ARHGAP11B: variants seen among roughly 807,000 people sequenced by gnomAD.
ARHGAP11B encodes the protein inactive Rho GTPase-activating protein 11B.
In ARHGAP11B, 14 loss-of-function variants were observed where a neutral mutation model predicts 27.6. That is an observed-to-expected ratio of 0.51 (90% CI 0.34 to 0.79). The LOEUF (loss-of-function observed/expected upper bound fraction) is 0.79, where lower values mean the gene tolerates loss of function less well. ARHGAP11B is among the 30% of genes least tolerant of loss of function. The pLI is 0.02. For synonymous variants in ARHGAP11B, 82 were observed against 114.1 expected (o/e 0.72, Z 1.80); for missense variants, 245 against 320.1 (o/e 0.77, Z 1.79).
exon 5 of ARHGAP11B, chr15:30,635,117 G>T: frequency 6.2e-7 from 1 of 1,613,556 alleles, no homozygotes; most frequent in Non-Finnish European, 8.5e-7. Flanking sequence ...CAATCTTGCA[G>T]TAATATTTGC....
At chr15:30,642,143 A>AT (rs1434825476) in intron 7 of ARHGAP11B, among the ~76,000 whole-genome samples, 1 of 151,672 alleles carries the variant, frequency 6.6e-6, no homozygotes, top group Non-Finnish European at 1.5e-5. Context: ...AGGTGGTTGT[A>AT]TTTTTTTCCG....
chr15:30,636,820 C>T (rs1293263371), intron 6 of ARHGAP11B, among the ~76,000 whole-genome samples: 1 of 152,086 alleles, frequency 6.6e-6, no homozygotes, highest in Non-Finnish European at 1.5e-5. Context: ...CCAATCCCTG[C>T]CTATGTCATC....
chr15:30,640,821 A>G (rs2060310896), intron 7 of ARHGAP11B, among the ~76,000 whole-genome samples: 1 of 152,000 alleles, frequency 6.6e-6, no homozygotes. Context: ...ATGTGATGAT[A>G]GTAACTCTGA....
At chr15:30,648,854 C>T (rs1343719098) in exon 11 of ARHGAP11B, 1 of 151,844 alleles carries the variant, frequency 6.6e-6, no homozygotes, top group Non-Finnish European at 1.5e-5. Context: ...AAGGGTAATT[C>T]TTATTATACA....
At chr15:30,647,756 T>C (rs899813160) in intron 10 of ARHGAP11B, 1 of 199,834 alleles carries the variant, frequency 5.0e-6, no homozygotes. Flanking sequence ...TTCATGACTT[T>C]ATTAAGTAGT....
intron 2 of ARHGAP11B, among the ~76,000 whole-genome samples, chr15:30,631,843 A>G (rs1312585711): frequency 6.8e-6 from 1 of 147,638 alleles, no homozygotes; most frequent in Non-Finnish European, 1.5e-5. Flanking sequence ...CTGGAGTGCA[A>G]TGGCGTGATC....
chr15:30,628,274 G>A (rs1337485722), intron 1 of ARHGAP11B, among the ~76,000 whole-genome samples: 1 of 151,654 alleles, frequency 6.6e-6, no homozygotes. Context: ...GTAGAGACGG[G>A]GTTTCACTGT....
chr15:30,648,036 T>A lies in ARHGAP11B; in HGVS notation c.*372-268T>A, dbSNP rs1392694253. On this transcript the variant is annotated intron_variant, in intron 10 of 10. Coordinates refer to ENST00000428041, the Ensembl canonical transcript of ARHGAP11B. ...CTGGTTTCCAACTCCTGGGCTCAAG[T>A]GATTCTCCCATCTCTGACTCCCAAA... is the stretch of plus-strand genomic sequence containing the variant. 1.3e-5 allele frequency among the ~76,000 whole-genome samples: 2 copies of A among 151,952 alleles called. 1 individual carries two copies. Among genetic ancestry groups the A allele is most frequent in the Non-Finnish European group, 2.9e-5 (2 of 67,972 alleles).
intron 6 of ARHGAP11B, among the ~76,000 whole-genome samples, chr15:30,637,284 TTC>T (rs778530448): frequency 8.6e-5 from 13 of 152,016 alleles, no homozygotes; most frequent in Non-Finnish European, 1.2e-4. Flanking sequence ...TTTATCCTGG[TTC>T]TGTGTGAATT....
Position 30,644,803 on chromosome 15 carries a change from T to C in ARHGAP11B, c.*142+101T>C, listed in dbSNP as rs2060336829. The C allele has an allele frequency of 2.8e-6, 3 of 1,061,054 alleles. No homozygotes were observed. The Admixed American group carries it at 5.7e-5, about 20-fold the overall frequency. 65.7% of individuals were successfully genotyped at this position (1,061,054 alleles called of 1,614,324 possible). On this transcript the variant is annotated intron_variant, in intron 8 of 10. Transcript: ENST00000428041. Reference sequence around the variant, plus strand: ...GAATATTTGTATGTGAATAACTAAATTTATTTTGTCTTGACAATTGGTTAT... The same window carrying C: ...GAATATTTGTATGTGAATAACTAAACTTATTTTGTCTTGACAATTGGTTAT...
intron 7 of ARHGAP11B, chr15:30,644,617 G>T: frequency 6.6e-7 from 1 of 1,508,824 alleles, no homozygotes. Flanking sequence ...GTCTCAAAAG[G>T]TTTTATTTTT....
intron 1 of ARHGAP11B, among the ~76,000 whole-genome samples, chr15:30,628,821 CATTTT>C (rs1293050355): frequency 6.6e-6 from 1 of 151,998 alleles, no homozygotes; most frequent in Non-Finnish European, 1.5e-5. Context: ...GTTTTAAAAA[CATTTT>C]ATGAGATTAA....
chr15:30,644,503 T>G, intron 7 of ARHGAP11B: 1 of 557,146 alleles, frequency 1.8e-6, no homozygotes, highest in Non-Finnish European at 3.2e-6. Flanking sequence ...AAGGCATCGT[T>G]CTTATTGTTT....
intron 9 of ARHGAP11B, among the ~76,000 whole-genome samples, chr15:30,646,554 T>C (rs1179632211): frequency 1.3e-5 from 2 of 151,694 alleles, no homozygotes; most frequent in Non-Finnish European, 2.9e-5. Context: ...TAAAAAAATA[T>C]ATAGGCTGAG....
chr15:30,635,655 T>C (rs774264263), intron 6 of ARHGAP11B, 22 bp downstream of exon 6: 3 of 1,612,656 alleles, frequency 1.9e-6, no homozygotes, highest in South Asian at 2.2e-5. Context: ...TCCCATTTTA[T>C]GGAGGTACAG....
intron 2 of ARHGAP11B, among the ~76,000 whole-genome samples, chr15:30,632,094 T>C (rs1395193106): frequency 7.3e-6 from 1 of 136,436 alleles, no homozygotes; most frequent in African/African-American, 2.8e-5. Flanking sequence ...CTATTCTAAC[T>C]GCATCAGAAA....
chr15:30,638,297 G>A (rs8027951), intron 6 of ARHGAP11B, among the ~76,000 whole-genome samples: 2 of 151,754 alleles, frequency 1.3e-5, no homozygotes, highest in Admixed American at 1.3e-4. Context: ...TTAGTCAAAC[G>A]GTGTTATTTA....
intron 7 of ARHGAP11B, among the ~76,000 whole-genome samples, chr15:30,642,175 G>A (rs1403115855): frequency 6.6e-6 from 1 of 151,880 alleles, no homozygotes; most frequent in Non-Finnish European, 1.5e-5. Flanking sequence ...GAAAAAATGT[G>A]AATGTCTCTG....
chr15:30,648,096 G>C (rs2060362393), intron 10 of ARHGAP11B, among the ~76,000 whole-genome samples: 1 of 151,958 alleles, frequency 6.6e-6, no homozygotes, highest in Non-Finnish European at 1.5e-5. Flanking sequence ...ACTGCGCCAG[G>C]CTAACTGTTA....
Sources: allele counts gnomAD v4.1 joint callset (sites outside exome capture counted in the v4.1 genomes callset), GRCh38; gene constraint gnomAD v4.1.1; transcripts MANE v1.5; gene names NCBI Gene and HGNC (gene_info 2026-07-23, HGNC 2026-07-21).